SP4: variants seen among roughly 807,000 people sequenced by gnomAD.
The protein encoded by SP4 is transcription factor Sp4.
Under a neutral mutation model 72.8 loss-of-function variants are expected in SP4, and 19 were observed. The observed-to-expected ratio is 0.26, with a 90% CI of 0.18 to 0.38. The LOEUF (loss-of-function observed/expected upper bound fraction) is 0.38, where lower values mean the gene tolerates loss of function less well. Among genes scored for constraint, SP4 ranks in the 10% least tolerant of loss-of-function variants. The pLI is 1.00. For missense variants in SP4, 1,008 were observed against 926.3 expected, an observed-to-expected ratio of 1.09 and a Z score of -1.14; for synonymous variants, 395 against 333.1, an observed-to-expected ratio of 1.19 and a Z score of -2.02.
At chr7:21,437,070 G>T (rs775103707) in intron 3 of SP4, among the ~76,000 whole-genome samples, 7 of 152,126 alleles carry the variant, frequency 4.6e-5, no homozygotes, top group Non-Finnish European at 1.0e-4. Context: ...TCAGTTTCAG[G>T]CTAGTATCAA....
At chr7:21,446,601 C>A (rs925090748) in intron 3 of SP4, among the ~76,000 whole-genome samples, 1 of 152,092 alleles carries the variant, frequency 6.6e-6, no homozygotes, top group African/African-American at 2.4e-5. Flanking sequence ...GAGGTACTTT[C>A]ATTTAGTGTT....
chr7:21,478,236 A>G (rs765523121), intron 4 of SP4, among the ~76,000 whole-genome samples: 1 of 152,182 alleles, frequency 6.6e-6, no homozygotes, highest in Non-Finnish European at 1.5e-5. Context: ...CACTCTATGG[A>G]TATACAATAT....
chr7:21,510,480 G>T (rs1782113100), intron 5 of SP4, among the ~76,000 whole-genome samples: 1 of 152,176 alleles, frequency 6.6e-6, no homozygotes. Flanking sequence ...GTTATCTTAT[G>T]AAACCTAAAA....
At chr7:21,456,915 G>A (rs981602664) in intron 3 of SP4, among the ~76,000 whole-genome samples, 2 of 151,182 alleles carry the variant, frequency 1.3e-5, no homozygotes, top group Non-Finnish European at 2.9e-5. Flanking sequence ...GCCCAGTGGA[G>A]GGGGAGCAGA....
intron 3 of SP4, among the ~76,000 whole-genome samples, chr7:21,446,736 A>G (rs1218193914): frequency 1.3e-5 from 2 of 152,274 alleles, no homozygotes; most frequent in East Asian, 3.9e-4. Flanking sequence ...CTATTTACTA[A>G]TATTGCTAGT....
chr7:21,442,260 G>A (rs997882056), intron 3 of SP4, among the ~76,000 whole-genome samples: 13 of 151,852 alleles, frequency 8.6e-5, no homozygotes, highest in Non-Finnish European at 1.3e-4. Flanking sequence ...GGCTGGTCTT[G>A]AACTCCTGAC....
chr7:21,506,595 CTTTTTGT>C (rs1449768684), intron 5 of SP4, among the ~76,000 whole-genome samples: 2 of 152,148 alleles, frequency 1.3e-5, no homozygotes, highest in Non-Finnish European at 2.9e-5. Flanking sequence ...ATGATTTTTG[CTTTTTGT>C]TTCTGCTTCT....
chr7:21,458,688 A>C (rs1783857632), intron 3 of SP4, among the ~76,000 whole-genome samples: 1 of 151,970 alleles, frequency 6.6e-6, no homozygotes, highest in South Asian at 2.1e-4. Flanking sequence ...TTTCACCTTA[A>C]TTGGAGGTGA....
At position 21,436,309 on chromosome 7, in the gene SP4, A is replaced by G. The variant is rs1209399407; in HGVS notation, c.1678+5466A>G. Among the ~76,000 whole-genome samples, 4 of 152,232 alleles carry G rather than the reference A, an allele frequency of 2.6e-5. No individual in the cohort carries two copies. The East Asian group carries it at 7.7e-4, about 29-fold the overall frequency. ...GAAAGCAGGTTGAGGATATTGGGGCAGGCATGAAAGCACTCACAGCTCTAA... is the reference window on the plus strand; with the variant it reads ...GAAAGCAGGTTGAGGATATTGGGGCGGGCATGAAAGCACTCACAGCTCTAA... On this transcript the variant is annotated intron_variant, in intron 3 of 5. Coordinates refer to ENST00000222584, the MANE Select transcript of SP4 (RefSeq NM_003112.5).
At chr7:21,484,700 G>A (rs1049461192) in intron 5 of SP4, among the ~76,000 whole-genome samples, 19 of 151,940 alleles carry the variant, frequency 1.3e-4, no homozygotes, top group Middle Eastern at 3.4e-3. Context: ...TCCTGGATTA[G>A]CAGTGGGATA....
At position 21,464,572 on chromosome 7, in the gene SP4, CT is replaced by C. The variant is rs1278361970; in HGVS notation, c.1679-12506del. Among the ~76,000 whole-genome samples, 3 of 132,168 alleles carry C rather than the reference CT, an allele frequency of 2.3e-5. No individual in the cohort carries two copies. In the Admixed American group the frequency reaches 2.5e-4, roughly 11 times the overall value. The allele number at this position is 132,168 out of a possible 152,430, so 86.7% of individuals were successfully genotyped here. A position where few individuals can be genotyped will look rare whatever the true frequency, so the allele number is the denominator to read the frequency against. ...TTTGTCACAATCTTTGTTTAAAAAT[CT>C]ATTTTCTATTTTTTTTTTTTTTTTA... On this transcript the variant is annotated intron_variant, in intron 3 of 5. Coordinates refer to ENST00000222584, the MANE Select transcript of SP4 (RefSeq NM_003112.5).
intron 5 of SP4, among the ~76,000 whole-genome samples, chr7:21,486,625 T>G (rs1784818480): frequency 6.6e-6 from 1 of 152,312 alleles, no homozygotes; most frequent in South Asian, 2.1e-4. Context: ...AATAGCACAT[T>G]AGTGTCTTTC....
intron 5 of SP4, among the ~76,000 whole-genome samples, chr7:21,510,691 C>T (rs1016676803): frequency 6.6e-6 from 1 of 152,160 alleles, no homozygotes; most frequent in African/African-American, 2.4e-5. Context: ...ATATTTGTTA[C>T]ATCTGATAGA....
At position 21,484,664 on chromosome 7, in the gene SP4, C is replaced by G. The variant is rs1272228776; in HGVS notation, c.2107+2541C>G. ...TAGAAAAATACTCTGCTATTTAGGTCTGCATGAAAGGATGCAGTGTTTCCA... is the reference window on the plus strand; with the variant it reads ...TAGAAAAATACTCTGCTATTTAGGTGTGCATGAAAGGATGCAGTGTTTCCA... On this transcript the variant is annotated intron_variant, in intron 5 of 5. Transcript: ENST00000222584. Among the ~76,000 whole-genome samples the G allele has an allele frequency of 3.3e-5, 5 of 151,820 alleles. No individual in the cohort carries two copies. The East Asian group carries it at 9.6e-4, about 29-fold the overall frequency.
chr7:21,510,350 C>CT (rs199799865), intron 5 of SP4, among the ~76,000 whole-genome samples: 2,157 of 152,118 alleles, frequency 0.014, 42 homozygotes, highest in African/African-American at 0.05. Flanking sequence ...ACAAAAAGGC[C>CT]TTTTTGTTTT....
chr7:21,438,072 A>G (rs1583379369), intron 3 of SP4, among the ~76,000 whole-genome samples: 1 of 151,770 alleles, frequency 6.6e-6, no homozygotes, highest in Non-Finnish European at 1.5e-5. Context: ...GTATATGCAC[A>G]CACAAAGACA....
chr7:21,500,217 A>T (rs965509753), intron 5 of SP4, among the ~76,000 whole-genome samples: 2 of 152,138 alleles, frequency 1.3e-5, no homozygotes, highest in African/African-American at 2.4e-5. Context: ...TGAAATTTGA[A>T]ATTTGTTCTT....
chr7:21,439,242 AG>A (rs1280536048), intron 3 of SP4, among the ~76,000 whole-genome samples: 1 of 152,222 alleles, frequency 6.6e-6, no homozygotes, highest in East Asian at 1.9e-4. Flanking sequence ...GGATCCTAAA[AG>A]AGCCCAAATT....
intron 5 of SP4, among the ~76,000 whole-genome samples, chr7:21,485,266 T>C (rs984940195): frequency 6.6e-6 from 1 of 152,002 alleles, no homozygotes; most frequent in Non-Finnish European, 1.5e-5. Context: ...TAGAAACTTA[T>C]TGACTTGGCT....
Sources: gnomAD v4.1 joint callset for allele counts (sites outside exome capture counted in the v4.1 genomes callset) on GRCh38, gnomAD v4.1.1 for gene constraint, MANE v1.5 for transcripts, NCBI Gene and HGNC (gene_info 2026-07-23, HGNC 2026-07-21) for gene names.